Variants in ST8SIA3 observed in about 807,000 individuals in gnomAD.
The protein encoded by ST8SIA3 is ST8 alpha-N-acetyl-neuraminide alpha-2,8-sialyltransferase 3, also known as alpha-N-acetylneuraminate alpha-2,8-sialyltransferase ST8SIA3.
ST8SIA3 carries 17 observed loss-of-function variants against 34.5 expected under a neutral mutation model. That is an observed-to-expected ratio of 0.49 (90% CI 0.34 to 0.74). The LOEUF (loss-of-function observed/expected upper bound fraction) is 0.74, where lower values mean the gene tolerates loss of function less well. Among genes scored for constraint, ST8SIA3 ranks in the 30% least tolerant of loss-of-function variants. The pLI is 0.01. For synonymous variants in ST8SIA3, 172 were observed against 176.1 expected (o/e 0.98, Z 0.19); for missense variants, 354 against 467.8 (o/e 0.76, Z 2.24).
intron 1 of ST8SIA3, among the ~76,000 whole-genome samples, chr18:57,353,620 C>T (rs981874137): frequency 2.6e-5 from 4 of 152,202 alleles, no homozygotes; most frequent in Admixed American, 2.6e-4. Flanking sequence ...TGCAATTCCC[C>T]CGCCCCCTGC....
Position 57,357,177 on chromosome 18 carries a change from C to T in ST8SIA3, c.567C>T (p.Cys189=), listed in dbSNP as rs2049803301. Residue 189 remains cysteine (C), a synonymous_variant, in exon 3 of 4, where the codon TGC becomes TGT. Transcript: ENST00000324000. ...ATAAATCAGATTTTGTTTTCCGTTG[C>T]AATTTCGCCCCTACGGAGGCTTTCC... The part of the protein sequence containing the change: ...EIDKSDFVFR[C]NFAPTEAFQR... 6.2e-7 allele frequency: 1 copy of T among 1,614,014 alleles called. No homozygotes were observed. Among genetic ancestry groups the T allele is most frequent in the Non-Finnish European group, 8.5e-7 (1 of 1,180,006 alleles).
Position 57,361,770 on chromosome 18 carries a change from G to A in ST8SIA3, c.*1493G>A, listed in dbSNP as rs574518978. The A allele has an allele frequency of 6.5e-6, 1 of 152,698 alleles. No individual in the cohort carries two copies. The highest frequency in any genetic ancestry group is 1.9e-4 in the East Asian group (1 of 5,178). 9.5% of individuals were successfully genotyped at this position (152,698 alleles called of 1,614,324 possible). On this transcript the variant is annotated 3_prime_UTR_variant, in exon 4 of 4. Transcript: ENST00000324000. ...AAGAGTTTCTTTCTTCTTTCCAAAT[G>A]CCAGTCAAGCATATTTGTTATGCAT...
rs754379805 is a variant in ST8SIA3 at position 57,357,171 on chromosome 18, C to T, written c.561C>T (p.Phe187=). 6.2e-7 allele frequency: 1 copy of T among 1,614,116 alleles called. No individual in the cohort carries two copies. Among genetic ancestry groups the T allele is most frequent in the East Asian group, 2.2e-5 (1 of 44,886 alleles). ...AAATAGATAAATCAGATTTTGTTTT[C>T]CGTTGCAATTTCGCCCCTACGGAGG... The part of the protein sequence containing the change: ...GQEIDKSDFV[F]RCNFAPTEAF... Residue 187 remains phenylalanine (F), a synonymous_variant, in exon 3 of 4, where the codon TTC becomes TTT. Coordinates refer to ENST00000324000, the MANE Select transcript of ST8SIA3 (RefSeq NM_015879.3).
chr18:57,360,577 C>A lies in ST8SIA3; in HGVS notation c.*300C>A. On this transcript the variant is annotated 3_prime_UTR_variant, in exon 4 of 4. Transcript: ENST00000324000. ...TGGATTTTAATAATAAACTGCCTCT[C>A]ATTTTTATGAGGACTAGAGCTATAG... The A allele has an allele frequency of 2.9e-6, 1 of 339,162 alleles. No individual in the cohort carries two copies. Among genetic ancestry groups the A allele is most frequent in the Admixed American group, 4.4e-5 (1 of 22,726 alleles). 21.0% of individuals were successfully genotyped at this position (339,162 alleles called of 1,614,324 possible).
chr18:57,360,194 C>T lies in ST8SIA3; in HGVS notation c.1060C>T (p.His354Tyr). Residue 354 changes from histidine (H) to tyrosine (Y), a missense_variant, in exon 4 of 4, where the codon CAC becomes TAC. His to Tyr is a moderately conservative substitution (Grantham distance 83, BLOSUM62 2). This residue lies in a region of ST8SIA3 where 166 missense variants were observed against 245.2 expected (regional missense o/e 0.68). Coordinates refer to ENST00000324000, the MANE Select transcript of ST8SIA3 (RefSeq NM_015879.3). ...TKFTTKWQES[H>Y]QLPAEFQLLY... ...ATTTACCACCAAGTGGCAGGAGTCC[C>T]ACCAGCTGCCTGCTGAGTTTCAGCT... The T allele has an allele frequency of 6.2e-7, 1 of 1,614,112 alleles. No homozygotes were observed. The highest frequency in any genetic ancestry group is 1.1e-5 in the South Asian group (1 of 91,074).
intron 3 of ST8SIA3, 25 bp downstream of exon 3, chr18:57,357,495 C>T: frequency 6.4e-7 from 1 of 1,559,790 alleles, no homozygotes; most frequent in East Asian, 2.2e-5. Flanking sequence ...TTACATTTTA[C>T]TCATACTCCA....
In ST8SIA3 at chr18:57,358,863, A is replaced by G. The variant is rs79208981; in HGVS notation, c.861-1132A>G. On this transcript the variant is annotated intron_variant, in intron 3 of 3. Transcript: ENST00000324000. ...CCTTATTTTGCTCCCCTTTTGTTCA[A>G]TTTAAGTTTGTCTATACCGAAAGGG... is the stretch of plus-strand genomic sequence containing the variant. 1.6e-4 allele frequency among the ~76,000 whole-genome samples: 25 copies of G among 152,304 alleles called. No homozygotes were observed. The East Asian group carries it at 4.8e-3, about 29-fold the overall frequency.
chr18:57,360,056 C>G lies in ST8SIA3; in HGVS notation c.922C>G (p.Leu308Val). 6.2e-7 allele frequency: 1 copy of G among 1,614,126 alleles called. No homozygotes were observed. The highest frequency in any genetic ancestry group is 1.3e-5 in the African/African-American group (1 of 75,036). Residue 308 changes from leucine to valine, a missense_variant, in exon 4 of 4, where the codon CTT becomes GTT. This residue lies in a region of ST8SIA3 where 166 missense variants were observed against 245.2 expected (regional missense o/e 0.68). Transcript: ENST00000324000. Reference protein sequence around the residue: ...RLSTGILMYTLASAICEEIHL... With the variant: ...RLSTGILMYTVASAICEEIHL... ...GAGCACAGGTATTCTTATGTACACC[C>G]TTGCATCAGCAATATGTGAAGAGAT...
chr18:57,360,042 T>C lies in ST8SIA3; in HGVS notation c.908T>C (p.Ile303Thr), dbSNP rs375441609. Residue 303 changes from isoleucine to threonine, a missense_variant, in exon 4 of 4, where the codon ATT becomes ACT. Ile to Thr is a moderately conservative substitution (Grantham distance 89). Transcript: ENST00000324000. ...HLSPKRLSTG[I>T]LMYTLASAIC... is the part of the protein sequence containing the mutation. Reference sequence around the variant, plus strand: ...TCACCTAAACGGCTGAGCACAGGTATTCTTATGTACACCCTTGCATCAGCA... The same window carrying C: ...TCACCTAAACGGCTGAGCACAGGTACTCTTATGTACACCCTTGCATCAGCA... 1.2e-6 allele frequency: 2 copies of C among 1,613,984 alleles called. No individual in the cohort carries two copies. The highest frequency in any genetic ancestry group is 1.7e-6 in the Non-Finnish European group (2 of 1,179,970).
chr18:57,354,720 G>T (rs1265722787), intron 2 of ST8SIA3, among the ~76,000 whole-genome samples, 196 bp downstream of exon 2: 1 of 151,530 alleles, frequency 6.6e-6, no homozygotes, highest in African/African-American at 2.4e-5. Context: ...TCCTGTGTGT[G>T]TAGTGTCCTC....
At position 57,352,888 on chromosome 18, in the gene ST8SIA3, G is replaced by T. The variant is rs553404411; in HGVS notation, c.42G>T (p.Gly14=). 5.0e-6 allele frequency: 8 copies of T among 1,613,764 alleles called. No homozygotes were observed. The East Asian group carries it at 1.8e-4, about 36-fold the overall frequency. Residue 14 remains glycine, a synonymous_variant, in exon 1 of 4, where the codon GGG becomes GGT. Transcript: ENST00000324000. ...CKMARVASVL[G]LVMLSVALLI... Reference sequence around the variant, plus strand: ...TGGCCCGGGTCGCCAGTGTGCTGGGGCTGGTCATGCTCAGCGTCGCCCTGC... The same window carrying T: ...TGGCCCGGGTCGCCAGTGTGCTGGGTCTGGTCATGCTCAGCGTCGCCCTGC...
rs201941965 is a variant in ST8SIA3 at position 57,354,384 on chromosome 18, G to A, written c.180-18G>A. ...AGCTGAGGCCAGCACGCTTGTCTGT[G>A]CTCATGCTCCTCTCCAGGTCACAAT... On this transcript the variant is annotated intron_variant, in intron 1 of 3. Coordinates refer to ENST00000324000, the MANE Select transcript of ST8SIA3 (RefSeq NM_015879.3). The A allele has an allele frequency of 3.3e-4, 538 of 1,613,682 alleles. 4 individuals are homozygous for A. The highest frequency in any genetic ancestry group is 7.4e-5 in the Non-Finnish European group (87 of 1,179,830).
rs2049831460 is a variant in ST8SIA3, at chr18:57,361,671, T to A, written c.*1394T>A. 6.5e-6 allele frequency: 1 copy of A among 152,678 alleles called. No individual in the cohort carries two copies. Among genetic ancestry groups the A allele is most frequent in the Non-Finnish European group, 1.5e-5 (1 of 68,042 alleles). The allele number at this position is 152,678 out of a possible 1,614,324, so 9.5% of individuals were successfully genotyped here. A position where few individuals can be genotyped will look rare whatever the true frequency, so the allele number is the denominator to read the frequency against. ...GTAGAAATCAAATCATTCCCATCCC[T>A]GGCTTTTTACTGAGCAGCACTTTGT... On this transcript the variant is annotated 3_prime_UTR_variant, in exon 4 of 4. Transcript: ENST00000324000.
chr18:57,362,997 C>T lies in ST8SIA3; in HGVS notation c.*2720C>T, dbSNP rs1276724498. On this transcript the variant is annotated 3_prime_UTR_variant, in exon 4 of 4. Coordinates refer to ENST00000324000, the MANE Select transcript of ST8SIA3 (RefSeq NM_015879.3). ...GCTCAGGACCATTGGCTCTTTCCTC[C>T]TCTTTCAGCTACAGACACATGCCCT... The T allele has an allele frequency of 1.3e-5, 2 of 152,258 alleles. No homozygotes were observed. The highest frequency in any genetic ancestry group is 2.9e-5 in the Non-Finnish European group (2 of 68,072). 9.4% of individuals were successfully genotyped at this position (152,258 alleles called of 1,614,324 possible). A position where few individuals can be genotyped will look rare whatever the true frequency, so the allele number is the denominator to read the frequency against.
chr18:57,357,233 C>G lies in ST8SIA3; in HGVS notation c.623C>G (p.Thr208Ser), dbSNP rs1385168011. 1 of 1,614,176 alleles carries G rather than the reference C, an allele frequency of 6.2e-7. No individual in the cohort carries two copies. Among genetic ancestry groups the G allele is most frequent in the Non-Finnish European group, 8.5e-7 (1 of 1,180,006 alleles). The change falls in exon 3 of 4, where the codon ACC (threonine) becomes AGC (serine). Residue 208 changes from threonine to serine, a missense_variant. Thr to Ser is a moderately conservative substitution (Grantham distance 58, BLOSUM62 1). This residue lies in a region of ST8SIA3 where 166 missense variants were observed against 245.2 expected (regional missense o/e 0.68). Transcript: ENST00000324000. ...QRDVGRKTNL[T>S]TFNPSILEKY... ...GATGTTGGAAGAAAAACCAATCTTA[C>G]CACCTTCAACCCCAGCATCCTGGAA...
intron 2 of ST8SIA3, among the ~76,000 whole-genome samples, chr18:57,356,261 AT>A (rs1337626260): frequency 1.3e-5 from 2 of 152,224 alleles, no homozygotes; most frequent in African/African-American, 2.4e-5. Context: ...TAAGGATTAG[AT>A]TTATTCAACT....
At chr18:57,357,747 A>G (rs1191790842) in intron 3 of ST8SIA3, among the ~76,000 whole-genome samples, 1 of 152,210 alleles carries the variant, frequency 6.6e-6, no homozygotes, top group East Asian at 1.9e-4. Context: ...TAGTAAGGCT[A>G]TGGAGCAGTC....
At chr18:57,356,772 G>A (rs2049799968) in intron 2 of ST8SIA3, 141 bp from the exon 3 acceptor site, 5 of 604,054 alleles carry the variant, frequency 8.3e-6, no homozygotes, top group Non-Finnish European at 1.4e-5. Context: ...CTCCCTTCAA[G>A]GACCACAATT....
rs2049824153 is a variant in ST8SIA3 at position 57,360,460 on chromosome 18, A to G, written c.*183A>G. 3 of 626,316 alleles carry G rather than the reference A, an allele frequency of 4.8e-6. No homozygotes were observed. The highest frequency in any genetic ancestry group is 8.2e-6 in the Non-Finnish European group (3 of 365,952). 38.8% of individuals were successfully genotyped at this position (626,316 alleles called of 1,614,324 possible). A position where few individuals can be genotyped will look rare whatever the true frequency, so the allele number is the denominator to read the frequency against. On this transcript the variant is annotated 3_prime_UTR_variant, in exon 4 of 4. Transcript: ENST00000324000. The stretch of plus-strand genomic sequence containing the variant: ...TTAGCAGATTTAGCAGGACAGATGC[A>G]TTGAAGCCACATGGTTTAGACTTGA...
Sources: gnomAD v4.1 joint callset for allele counts (sites outside exome capture counted in the v4.1 genomes callset) on GRCh38, gnomAD v4.1.1 for gene constraint, gnomAD v4.1.1 regional missense constraint, MANE v1.5 for transcripts, NCBI Gene and HGNC (gene_info 2026-07-23, HGNC 2026-07-21) for gene names.